The following NRG3 variants were observed in gnomAD, a reference collection of about 807,000 sequenced individuals.
NRG3 encodes pro-neuregulin-3, membrane-bound isoform.
Under a neutral mutation model 66.9 loss-of-function variants are expected in NRG3, and 31 were observed. The ratio of observed to expected loss-of-function variants is 0.46; its 90% CI spans 0.35 to 0.63. The LOEUF (loss-of-function observed/expected upper bound fraction) is 0.63, where lower values mean the gene tolerates loss of function less well. Ranked by LOEUF, NRG3 falls within the 20% of genes least tolerant of loss-of-function variation. The probability of loss-of-function intolerance (pLI) is 0.00; values close to 1 mark genes in which losing one functional copy is unlikely to be tolerated. For missense variants in NRG3, 910 were observed against 878.9 expected (o/e 1.04, Z -0.45); for synonymous variants, 393 against 359.4 (o/e 1.09, Z -1.06).
intron 1 of NRG3, among the ~76,000 whole-genome samples, chr10:82,259,131 C>A (rs1249715198): frequency 6.6e-6 from 1 of 152,092 alleles, no homozygotes; most frequent in Non-Finnish European, 1.5e-5. Context: ...TTTTCAGTCA[C>A]CATGGGTTAA....
chr10:82,515,128 C>T (rs1375087913), intron 2 of NRG3, among the ~76,000 whole-genome samples: 1 of 152,034 alleles, frequency 6.6e-6, no homozygotes, highest in Non-Finnish European at 1.5e-5. Context: ...AGTGGTATCT[C>T]AATGTGATTT....
chr10:82,861,790 G>A (rs1455652397), intron 3 of NRG3, among the ~76,000 whole-genome samples: 1 of 152,158 alleles, frequency 6.6e-6, no homozygotes, highest in Non-Finnish European at 1.5e-5. Context: ...TGGAACACCT[G>A]TGGTCCACTG....
chr10:82,159,597 T>C lies in NRG3; in HGVS notation c.824-199142T>C, dbSNP rs1446195539. ...TTCTTTATACAGAATATTTTAAGCA[T>C]GTTTATTTTTCTGCTTCTCTTATTA... On this transcript the variant is annotated intron_variant, in intron 1 of 8. Transcript: ENST00000372141. Among the ~76,000 whole-genome samples, 6 of 152,024 alleles carry C rather than the reference T, an allele frequency of 3.9e-5. No individual in the cohort carries two copies. The South Asian group carries it at 1.2e-3, about 31-fold the overall frequency.
intron 1 of NRG3, among the ~76,000 whole-genome samples, chr10:82,110,558 A>G (rs2067325918): frequency 6.6e-6 from 1 of 152,134 alleles, no homozygotes; most frequent in African/African-American, 2.4e-5. Flanking sequence ...GGCTTGGACC[A>G]AAGTGGTAAA....
chr10:81,961,658 A>G (rs948255930), intron 1 of NRG3, among the ~76,000 whole-genome samples: 4 of 152,252 alleles, frequency 2.6e-5, no homozygotes, highest in African/African-American at 9.6e-5. Flanking sequence ...TGCAGGAGAC[A>G]ATTGGAAAGG....
chr10:82,408,263 G>C (rs987086362), intron 2 of NRG3, among the ~76,000 whole-genome samples: 1 of 152,058 alleles, frequency 6.6e-6, no homozygotes, highest in Non-Finnish European at 1.5e-5. Flanking sequence ...TTGAGAGGAT[G>C]CCCCAAAAAG....
intron 1 of NRG3, among the ~76,000 whole-genome samples, chr10:82,339,898 T>C (rs2082591478): frequency 6.6e-6 from 1 of 152,078 alleles, no homozygotes; most frequent in Non-Finnish European, 1.5e-5. Context: ...ATATGCCATC[T>C]AGGGTGGGGG....
Position 81,914,150 on chromosome 10 carries a change from T to C in NRG3, c.823+37987T>C, listed in dbSNP as rs987055296. Among the ~76,000 whole-genome samples the C allele has an allele frequency of 2.6e-5, 4 of 152,200 alleles. No individual in the cohort carries two copies. In the South Asian group the frequency reaches 8.3e-4, roughly 31 times the overall value. On this transcript the variant is annotated intron_variant, in intron 1 of 8. Coordinates refer to ENST00000372141, the MANE Select transcript of NRG3 (RefSeq NM_001010848.4). The stretch of plus-strand genomic sequence containing the variant: ...ATGGTTTTCTCTGGCTGTGAAATTA[T>C]GGGAAATTAAATATAGTTTATATTT...
intron 1 of NRG3, among the ~76,000 whole-genome samples, chr10:82,157,180 T>C (rs1234509672): frequency 6.6e-6 from 1 of 151,758 alleles, no homozygotes; most frequent in Non-Finnish European, 1.5e-5. Context: ...CTTATTGCAA[T>C]TTATCATCCA....
intron 2 of NRG3, among the ~76,000 whole-genome samples, chr10:82,532,779 G>A (rs1205691863): frequency 6.6e-6 from 1 of 151,116 alleles, no homozygotes; most frequent in Admixed American, 6.6e-5. Context: ...AGTACTTTTG[G>A]ATAAAATCCC....
chr10:82,423,578 G>A (rs1401241575), intron 2 of NRG3, among the ~76,000 whole-genome samples: 1 of 151,788 alleles, frequency 6.6e-6, no homozygotes, highest in Non-Finnish European at 1.5e-5. Context: ...GAAACACAAG[G>A]AAACAGTAAT....
intron 4 of NRG3, among the ~76,000 whole-genome samples, chr10:82,919,738 C>T (rs1014006584): frequency 1.3e-5 from 2 of 152,112 alleles, no homozygotes; most frequent in Non-Finnish European, 2.9e-5. Flanking sequence ...TGCAACTTTA[C>T]ACAAAGTGAA....
chr10:82,373,002 T>G (rs1190083545), intron 2 of NRG3, among the ~76,000 whole-genome samples: 1 of 152,210 alleles, frequency 6.6e-6, no homozygotes, highest in Non-Finnish European at 1.5e-5. Flanking sequence ...TGTTGAATAA[T>G]GAAACTTTAG....
At chr10:82,247,845 G>T (rs1045872320) in intron 1 of NRG3, among the ~76,000 whole-genome samples, 1 of 151,964 alleles carries the variant, frequency 6.6e-6, no homozygotes, top group Non-Finnish European at 1.5e-5. Flanking sequence ...TAATCAAAAC[G>T]TGTTTTCTCT....
intron 1 of NRG3, among the ~76,000 whole-genome samples, chr10:82,100,335 C>A (rs1165233397): frequency 6.6e-6 from 1 of 151,992 alleles, no homozygotes; most frequent in East Asian, 1.9e-4. Flanking sequence ...GAACAATGTT[C>A]TTTCTATCTT....
At chr10:82,780,480 CTT>C (rs150086019) in intron 3 of NRG3, among the ~76,000 whole-genome samples, 5 of 106,084 alleles carry the variant, frequency 4.7e-5, no homozygotes, top group Middle Eastern at 6.1e-3. Context: ...TTTTTCTTTT[CTT>C]TTTTTTTTTT....
intron 1 of NRG3, among the ~76,000 whole-genome samples, chr10:81,969,461 G>A (rs1000125503): frequency 2.6e-5 from 4 of 152,118 alleles, no homozygotes; most frequent in African/African-American, 7.2e-5. Flanking sequence ...CAGGAGGGAC[G>A]AGCAGGGGGA....
chr10:82,118,701 A>G (rs1263157123), intron 1 of NRG3, among the ~76,000 whole-genome samples: 1 of 152,020 alleles, frequency 6.6e-6, no homozygotes, highest in Non-Finnish European at 1.5e-5. Flanking sequence ...GATAATGTGT[A>G]TTGTTAATGC....
chr10:82,498,849 G>A (rs933184554), intron 2 of NRG3, among the ~76,000 whole-genome samples: 11 of 151,884 alleles, frequency 7.2e-5, no homozygotes, highest in Admixed American at 2.0e-4. Flanking sequence ...AATTTTTTTC[G>A]GTAAAATCCT....
Sources: allele counts gnomAD v4.1 joint callset (sites outside exome capture counted in the v4.1 genomes callset), GRCh38; gene constraint gnomAD v4.1.1; transcripts MANE v1.5; gene names NCBI Gene and HGNC (gene_info 2026-07-23, HGNC 2026-07-21).